The following MCHR2 variants were observed in gnomAD, a reference collection of about 807,000 sequenced individuals.
MCHR2 encodes melanin concentrating hormone receptor 2.
A neutral mutation model predicts 24.8 loss-of-function variants in MCHR2; 15 were observed. That is an observed-to-expected ratio of 0.60 (90% CI 0.40 to 0.93). The LOEUF (loss-of-function observed/expected upper bound fraction) is 0.93, where lower values mean the gene tolerates loss of function less well. MCHR2 is among the 40% of genes least tolerant of loss of function. The probability of loss-of-function intolerance (pLI) is 0.00; values close to 1 mark genes in which losing one functional copy is unlikely to be tolerated. For synonymous variants in MCHR2, 151 were observed against 147.6 expected (o/e 1.02, Z -0.17); for missense variants, 386 against 408.7 (o/e 0.94, Z 0.48).
At chr6:99,936,801 G>T (rs1774670300) in intron 4 of MCHR2, among the ~76,000 whole-genome samples, 1 of 151,700 alleles carries the variant, frequency 6.6e-6, no homozygotes, top group Non-Finnish European at 1.5e-5. Context: ...TTTAACAATA[G>T]TAATTCTTCC....
rs565557081 is a variant in MCHR2 at position 99,970,454 on chromosome 6, G to T, written c.-27-14280C>A. ...TGTTTTGAGTTCATTGTAGATTCTG[G>T]ATATTAGCCCTTTGTCATATGAGTA... On this transcript the variant is annotated intron_variant, in intron 1 of 5. Coordinates refer to ENST00000281806, the MANE Select transcript of MCHR2 (RefSeq NM_001040179.2). Among the ~76,000 whole-genome samples, 46 of 152,214 alleles carry T rather than the reference G, an allele frequency of 3.0e-4. No individual in the cohort carries two copies. In the South Asian group the frequency reaches 9.3e-3, roughly 31 times the overall value.
At chr6:99,980,639 T>A (rs1389580297) in intron 1 of MCHR2, among the ~76,000 whole-genome samples, 1 of 151,522 alleles carries the variant, frequency 6.6e-6, no homozygotes, top group Non-Finnish European at 1.5e-5. Flanking sequence ...AGAAAAAAAA[T>A]TTTCGAGATA....
At chr6:99,971,523 T>C (rs1266661715) in intron 1 of MCHR2, among the ~76,000 whole-genome samples, 1 of 152,190 alleles carries the variant, frequency 6.6e-6, no homozygotes, top group East Asian at 1.9e-4. Flanking sequence ...CAATTTGACT[T>C]CCTCTTTTCC....
At chr6:99,961,244 C>T (rs1460759486) in intron 1 of MCHR2, among the ~76,000 whole-genome samples, 1 of 151,654 alleles carries the variant, frequency 6.6e-6, no homozygotes, top group African/African-American at 2.4e-5. Flanking sequence ...TAGGAATGCT[C>T]TTACACTGTT....
chr6:99,930,310 A>T (rs1284147432), intron 5 of MCHR2, among the ~76,000 whole-genome samples: 1 of 151,902 alleles, frequency 6.6e-6, no homozygotes, highest in East Asian at 1.9e-4. Context: ...TCTGACTATT[A>T]TGTGTCTTGG....
At chr6:99,977,344 T>A (rs1185423065) in intron 1 of MCHR2, among the ~76,000 whole-genome samples, 1 of 152,194 alleles carries the variant, frequency 6.6e-6, no homozygotes, top group African/African-American at 2.4e-5. Flanking sequence ...AACCTCCAGT[T>A]CATCATTTCA....
At chr6:99,933,466 G>A (rs1056688481) in intron 5 of MCHR2, among the ~76,000 whole-genome samples, 6 of 152,102 alleles carry the variant, frequency 3.9e-5, no homozygotes, top group Admixed American at 1.3e-4. Flanking sequence ...TGTAACTGTG[G>A]CTACTTCCTT....
chr6:99,966,344 G>T (rs1394240486), intron 1 of MCHR2, among the ~76,000 whole-genome samples: 2 of 152,056 alleles, frequency 1.3e-5, no homozygotes, highest in Admixed American at 6.6e-5. Flanking sequence ...AAGGCAAATT[G>T]GTGTATCAAT....
At chr6:99,970,462 C>A (rs1775385390) in intron 1 of MCHR2, among the ~76,000 whole-genome samples, 1 of 152,004 alleles carries the variant, frequency 6.6e-6, no homozygotes, top group South Asian at 2.1e-4. Context: ...TGGATATTAG[C>A]CCTTTGTCAT....
chr6:99,966,732 A>T (rs1300802385), intron 1 of MCHR2, among the ~76,000 whole-genome samples: 1 of 152,200 alleles, frequency 6.6e-6, no homozygotes, highest in African/African-American at 2.4e-5. Flanking sequence ...TTTAAGCATT[A>T]GTATTTAAAT....
At chr6:99,968,957 GAC>G (rs1775343173) in intron 1 of MCHR2, among the ~76,000 whole-genome samples, 1 of 151,988 alleles carries the variant, frequency 6.6e-6, no homozygotes, top group African/African-American at 2.4e-5. Context: ...AAAATTTTAT[GAC>G]ACAGCTAAAG....
intron 1 of MCHR2, among the ~76,000 whole-genome samples, chr6:99,963,557 G>A (rs1775238935): frequency 6.6e-6 from 1 of 152,080 alleles, no homozygotes; most frequent in African/African-American, 2.4e-5. Flanking sequence ...GTCATGCAAG[G>A]TGAAAACAGT....
chr6:99,978,198 T>C (rs1299321730), intron 1 of MCHR2, among the ~76,000 whole-genome samples: 7 of 152,184 alleles, frequency 4.6e-5, no homozygotes, highest in Non-Finnish European at 7.4e-5. Context: ...CACCTCTTAC[T>C]TACCTGACAT....
intron 5 of MCHR2, among the ~76,000 whole-genome samples, chr6:99,932,928 G>T (rs1253089841): frequency 6.6e-6 from 1 of 152,128 alleles, no homozygotes; most frequent in Non-Finnish European, 1.5e-5. Flanking sequence ...AATATCCTAG[G>T]TAATGTAAGA....
chr6:99,962,326 G>C (rs1775204619), intron 1 of MCHR2, among the ~76,000 whole-genome samples: 1 of 152,138 alleles, frequency 6.6e-6, no homozygotes, highest in South Asian at 2.1e-4. Flanking sequence ...TCCAGTAATG[G>C]TGCACAATTT....
intron 5 of MCHR2, among the ~76,000 whole-genome samples, chr6:99,927,449 T>C (rs1043144189): frequency 6.6e-6 from 1 of 152,228 alleles, no homozygotes; most frequent in Non-Finnish European, 1.5e-5. Flanking sequence ...TTCATGATGT[T>C]GATTCTTCCT....
intron 1 of MCHR2, among the ~76,000 whole-genome samples, chr6:99,975,598 C>T (rs1370428782): frequency 1.3e-5 from 2 of 152,232 alleles, no homozygotes; most frequent in African/African-American, 4.8e-5. Context: ...CACTGTCTGG[C>T]ACTCCCTAGT....
At chr6:99,949,979 G>A (rs1266738304) in intron 2 of MCHR2, among the ~76,000 whole-genome samples, 4 of 151,984 alleles carry the variant, frequency 2.6e-5, no homozygotes, top group Non-Finnish European at 5.9e-5. Flanking sequence ...ATGTGAATTG[G>A]GATATAAACC....
chr6:99,943,153 C>T lies in MCHR2; in HGVS notation c.393-10G>A, dbSNP rs200210867. 4 of 1,602,310 alleles carry T rather than the reference C, an allele frequency of 2.5e-6. No individual in the cohort carries two copies. Among genetic ancestry groups the T allele is most frequent in the Non-Finnish European group, 2.6e-6 (3 of 1,173,046 alleles). ...GACGAGGGCAAAGTACCTGCAAAGG[C>T]AGTCAGGAAGAGTTTTGGAACAATC... On this transcript the variant is annotated splice_polypyrimidine_tract_variant and intron_variant, in intron 3 of 5. Transcript: ENST00000281806.
Sources: allele counts gnomAD v4.1 joint callset (sites outside exome capture counted in the v4.1 genomes callset), GRCh38; gene constraint gnomAD v4.1.1; transcripts MANE v1.5; gene names NCBI Gene and HGNC (gene_info 2026-07-23, HGNC 2026-07-21).